The following ANO6 variants were observed in gnomAD, a reference collection of about 807,000 sequenced individuals.
ANO6 encodes the protein anoctamin 6.
A neutral mutation model predicts 117.5 loss-of-function variants in ANO6; 106 were observed. The observed-to-expected ratio is 0.90, with a 90% confidence interval of 0.77 to 1.06. The LOEUF (loss-of-function observed/expected upper bound fraction) is 1.06, where lower values mean the gene tolerates loss of function less well. Among genes scored for constraint, ANO6 ranks in the 50% least tolerant of loss-of-function variants. The probability of loss-of-function intolerance (pLI) is 0.00; values close to 1 mark genes in which losing one functional copy is unlikely to be tolerated. For synonymous variants in ANO6, 367 were observed against 385.1 expected (o/e 0.95, Z 0.55); for missense variants, 955 against 1,121.1 (o/e 0.85, Z 2.12).
chr12:45,238,970 G>A lies in ANO6; in HGVS notation c.70+22579G>A, dbSNP rs145712092. On this transcript the variant is annotated intron_variant, in intron 1 of 19. Transcript: ENST00000320560. ...GTATTTTATTGAGGATTTCTGTATC[G>A]ATGTTCATCAGGGATATTGATCTAA... 5.9e-3 allele frequency among the ~76,000 whole-genome samples: 904 copies of A among 152,230 alleles called. 5 individuals carry two copies. The highest frequency in any genetic ancestry group is 6.7e-3 in the Non-Finnish European group (456 of 68,010).
In ANO6 at chr12:45,347,451, C is replaced by T. The variant is rs922020122; in HGVS notation, c.345+364C>T. ...TCTTAATTATCCATAAATAATTTTG[C>T]AGTCCTTCTGAGCTGTTTTACTCAA... On this transcript the variant is annotated intron_variant, in intron 4 of 19. Transcript: ENST00000320560. 122 of 240,866 alleles carry T rather than the reference C, an allele frequency of 5.1e-4. 1 individual carries two copies. The highest frequency in any genetic ancestry group is 1.9e-3 in the African/African-American group (85 of 44,302). The allele number at this position is 240,866 out of a possible 1,614,324, so 14.9% of individuals were successfully genotyped here.
intron 2 of ANO6, among the ~76,000 whole-genome samples, chr12:45,321,618 A>C (rs1178203831): frequency 6.6e-6 from 1 of 152,166 alleles, no homozygotes; most frequent in Non-Finnish European, 1.5e-5. Flanking sequence ...AAATGTTGTC[A>C]GTTGTTTTCC....
At chr12:45,411,369 G>GTTATCTAAATAGTATCTA (rs1943081777) in intron 16 of ANO6, among the ~76,000 whole-genome samples, 1 of 152,164 alleles carries the variant, frequency 6.6e-6, no homozygotes, top group Admixed American at 6.5e-5. Context: ...TTGTTTTCCT[G>GTTATCTAAATAGTATCTA]TTATCTAAAT....
At chr12:45,427,387 G>A (rs1398731394) in intron 19 of ANO6, among the ~76,000 whole-genome samples, 3 of 151,976 alleles carry the variant, frequency 2.0e-5, no homozygotes, top group East Asian at 1.9e-4. Context: ...GCCTTTTCTC[G>A]AATGCATTCT....
chr12:45,407,601 T>C (rs1338078994), intron 15 of ANO6, among the ~76,000 whole-genome samples: 2 of 151,256 alleles, frequency 1.3e-5, no homozygotes, highest in African/African-American at 2.4e-5. Context: ...CATGCTTGTA[T>C]GTGCTGAAGT....
At chr12:45,364,838 C>T (rs1459281705) in intron 8 of ANO6, among the ~76,000 whole-genome samples, 4 of 152,136 alleles carry the variant, frequency 2.6e-5, no homozygotes, top group African/African-American at 9.7e-5. Flanking sequence ...TTTTCCATTT[C>T]TTGGTGTATC....
intron 9 of ANO6, among the ~76,000 whole-genome samples, chr12:45,376,790 CATGTA>C: frequency 6.7e-6 from 1 of 148,430 alleles, no homozygotes; most frequent in Admixed American, 6.8e-5. Context: ...CAACATGGCA[CATGTA>C]TACATATGTA....
At chr12:45,263,133 A>G (rs767852324) in intron 1 of ANO6, among the ~76,000 whole-genome samples, 5 of 152,104 alleles carry the variant, frequency 3.3e-5, no homozygotes, top group Non-Finnish European at 5.9e-5. Flanking sequence ...ATATTTGTCT[A>G]TATTTCACAT....
chr12:45,270,425 G>A, intron 1 of ANO6: 1 of 1,520,982 alleles, frequency 6.6e-7, no homozygotes, highest in Non-Finnish European at 8.8e-7. Context: ...CCCTTATATT[G>A]GCCTGTTGTA....
chr12:45,420,987 G>A (rs7968063), intron 17 of ANO6, 84 bp from the exon 18 acceptor site: 9 of 1,453,390 alleles, frequency 6.2e-6, no homozygotes, highest in Non-Finnish European at 8.7e-6. Context: ...ATCGTGCCAT[G>A]CAGCCTGGGC....
intron 11 of ANO6, among the ~76,000 whole-genome samples, chr12:45,389,567 G>A (rs896023574): frequency 2.0e-5 from 3 of 152,148 alleles, no homozygotes; most frequent in African/African-American, 7.2e-5. Flanking sequence ...GCAAGTGAAG[G>A]TTCCTTTTTC....
intron 15 of ANO6, 64 bp downstream of exon 15, chr12:45,403,600 A>G: frequency 7.2e-7 from 1 of 1,383,622 alleles, no homozygotes; most frequent in Non-Finnish European, 1.0e-6. Flanking sequence ...ATCCACACAA[A>G]TCATTTGCCT....
chr12:45,378,109 A>G lies in ANO6; in HGVS notation c.1161A>G (p.Val387=). The stretch of plus-strand genomic sequence containing the variant: ...TGGTCTTTGCAGTATTTATGGGAGT[A>G]TGGGGTAAGTTTTTTTTTTTTTTTT... ...GTLVFAVFMG[V]WVTLFLEFWK... Residue 387 remains valine (V), a synonymous_variant, in exon 10 of 20, where the codon GTA becomes GTG. Coordinates refer to ENST00000320560, the MANE Select transcript of ANO6 (RefSeq NM_001025356.3). The G allele has an allele frequency of 1.3e-6, 2 of 1,554,520 alleles. No homozygotes were observed. Among genetic ancestry groups the G allele is most frequent in the Non-Finnish European group, 1.8e-6 (2 of 1,141,072 alleles).
chr12:45,403,559 A>AAT (rs775720104), intron 15 of ANO6, 23 bp downstream of exon 15: 1 of 1,585,408 alleles, frequency 6.3e-7, no homozygotes, highest in Non-Finnish European at 8.7e-7. Context: ...TTGTATAGCC[A>AAT]TGGGTAAAAG....
In ANO6 at chr12:45,254,115, C is replaced by T. The variant is rs112813941; in HGVS notation, c.70+37724C>T. Among the ~76,000 whole-genome samples, 68 of 152,174 alleles carry T rather than the reference C, an allele frequency of 4.5e-4. 1 individual carries two copies. Among genetic ancestry groups the T allele is most frequent in the African/African-American group, 1.6e-3 (68 of 41,520 alleles). On this transcript the variant is annotated intron_variant, in intron 1 of 19. Coordinates refer to ENST00000320560, the MANE Select transcript of ANO6 (RefSeq NM_001025356.3). ...CCGGGAGGCGGAGGTTGCAGTGAGC[C>T]GAGATTGTGCCACTGCACTCCAACC...
At chr12:45,400,963 C>T (rs1046261528) in intron 12 of ANO6, among the ~76,000 whole-genome samples, 6 of 152,156 alleles carry the variant, frequency 3.9e-5, no homozygotes, top group Non-Finnish European at 8.8e-5. Flanking sequence ...AAATTCATGG[C>T]GCCTTTAATG....
intron 2 of ANO6, among the ~76,000 whole-genome samples, chr12:45,321,720 G>A (rs1483609403): frequency 6.6e-6 from 1 of 152,082 alleles, no homozygotes; most frequent in Non-Finnish European, 1.5e-5. Flanking sequence ...CATCTGTCAA[G>A]TAAAAATGGT....
At chr12:45,344,976 G>A (rs1055935415) in intron 3 of ANO6, among the ~76,000 whole-genome samples, 2 of 152,110 alleles carry the variant, frequency 1.3e-5, no homozygotes, top group African/African-American at 2.4e-5. Context: ...TTTGGGGAGC[G>A]GAGTAGGAAA....
At chr12:45,289,453 G>T (rs935146301) in intron 1 of ANO6, among the ~76,000 whole-genome samples, 3 of 152,080 alleles carry the variant, frequency 2.0e-5, no homozygotes, top group Non-Finnish European at 4.4e-5. Flanking sequence ...GAGCCACTGT[G>T]CCCAGCCGGG....
Sources: gnomAD v4.1 joint callset for allele counts (sites outside exome capture counted in the v4.1 genomes callset) on GRCh38, gnomAD v4.1.1 for gene constraint, MANE v1.5 for transcripts, NCBI Gene and HGNC (gene_info 2026-07-23, HGNC 2026-07-21) for gene names.